ARHGAP42: variants seen among roughly 807,000 people sequenced by gnomAD.
The protein encoded by ARHGAP42 is Rho GTPase activating protein 42.
ARHGAP42 carries 63 observed loss-of-function variants against 125.0 expected under a neutral mutation model. The observed-to-expected ratio is 0.50, with a 90% CI of 0.41 to 0.62. The LOEUF is 0.62. ARHGAP42 is among the 20% of genes least tolerant of loss of function. The pLI is 0.00. For synonymous variants in ARHGAP42, 339 were observed against 351.0 expected (o/e 0.97, Z 0.38); for missense variants, 766 against 1,024.2 (o/e 0.75, Z 3.44).
intron 3 of ARHGAP42, among the ~76,000 whole-genome samples, chr11:100,834,493 A>G (rs989294565): frequency 6.6e-6 from 1 of 152,172 alleles, no homozygotes; most frequent in Non-Finnish European, 1.5e-5. Context: ...AGCTACAGAC[A>G]TCATACCTGG....
intron 10 of ARHGAP42, 39 bp from the exon 11 acceptor site, chr11:100,948,418 G>T: frequency 7.2e-7 from 1 of 1,385,822 alleles, no homozygotes; most frequent in Non-Finnish European, 9.8e-7. Context: ...TTAAAAAGTA[G>T]TAAATGTGTA....
intron 3 of ARHGAP42, among the ~76,000 whole-genome samples, chr11:100,805,549 G>T (rs996130276): frequency 1.3e-5 from 2 of 152,194 alleles, no homozygotes; most frequent in Non-Finnish European, 2.9e-5. Flanking sequence ...TAAAATGAAA[G>T]TTATTATAGG....
chr11:100,784,134 A>T (rs1403826864), intron 2 of ARHGAP42, among the ~76,000 whole-genome samples: 1 of 152,160 alleles, frequency 6.6e-6, no homozygotes, highest in Non-Finnish European at 1.5e-5. Context: ...CAGACAGAAA[A>T]TATAGGTAAA....
chr11:100,899,726 T>TGA (rs377616084), intron 4 of ARHGAP42, among the ~76,000 whole-genome samples: 1 of 88,834 alleles, frequency 1.1e-5, no homozygotes, highest in African/African-American at 5.9e-5. Context: ...TGTTTTGTTT[T>TGA]TTTTTTTGTT....
Position 100,992,866 on chromosome 11 carries a change from T to A in ARHGAP42, c.*4065T>A. 1.4e-6 allele frequency: 1 copy of A among 728,886 alleles called. No homozygotes were observed. Among genetic ancestry groups the A allele is most frequent in the Non-Finnish European group, 2.2e-6 (1 of 457,866 alleles). The allele number at this position is 728,886 out of a possible 1,614,324, so 45.2% of individuals were successfully genotyped here. Reference sequence around the variant, plus strand: ...GTCCTAGACCAATGATTACAAGGTGTCTGTGGTTTAGGGGGCCCAGCCCAT... The same window carrying A: ...GTCCTAGACCAATGATTACAAGGTGACTGTGGTTTAGGGGGCCCAGCCCAT... On this transcript the variant is annotated 3_prime_UTR_variant, in exon 24 of 24. Transcript: ENST00000298815.
intron 1 of ARHGAP42, among the ~76,000 whole-genome samples, chr11:100,704,851 C>A (rs1279765019): frequency 4.0e-5 from 2 of 50,620 alleles, no homozygotes; most frequent in Non-Finnish European, 7.2e-5. Context: ...GTGGCATGCA[C>A]CTATAGTCCT....
At chr11:100,877,408 A>C (rs923119005) in intron 4 of ARHGAP42, among the ~76,000 whole-genome samples, 2 of 152,192 alleles carry the variant, frequency 1.3e-5, no homozygotes, top group Admixed American at 6.5e-5. Context: ...GTGCTTTACT[A>C]TACTTCTTTG....
At chr11:100,924,848 G>A (rs1254936969) in intron 6 of ARHGAP42, among the ~76,000 whole-genome samples, 1 of 151,976 alleles carries the variant, frequency 6.6e-6, no homozygotes, top group East Asian at 1.9e-4. Context: ...GTGTTTTTGA[G>A]ATGGAGTGTC....
chr11:100,938,226 G>A (rs887938017), intron 8 of ARHGAP42, among the ~76,000 whole-genome samples: 3 of 151,716 alleles, frequency 2.0e-5, no homozygotes, highest in Admixed American at 6.6e-5. Context: ...AACTGCCTTC[G>A]CCCAGGTGAG....
chr11:100,802,060 C>A (rs1328837863), intron 3 of ARHGAP42, among the ~76,000 whole-genome samples: 1 of 152,146 alleles, frequency 6.6e-6, no homozygotes, highest in Non-Finnish European at 1.5e-5. Flanking sequence ...TGGTCAGACT[C>A]AGACTACCTC....
chr11:100,809,941 CA>C (rs555332159), intron 3 of ARHGAP42, among the ~76,000 whole-genome samples: 11 of 134,516 alleles, frequency 8.2e-5, no homozygotes, highest in Non-Finnish European at 1.1e-4. Context: ...ACTCTGTCTC[CA>C]AAAAAAAAAG....
At chr11:100,849,830 A>C (rs970725157) in intron 3 of ARHGAP42, among the ~76,000 whole-genome samples, 2 of 152,130 alleles carry the variant, frequency 1.3e-5, no homozygotes, top group African/African-American at 4.8e-5. Flanking sequence ...GTGTTTATTT[A>C]TATCGAGATA....
At chr11:100,706,611 A>G (rs1326154564) in intron 1 of ARHGAP42, among the ~76,000 whole-genome samples, 1 of 152,206 alleles carries the variant, frequency 6.6e-6, no homozygotes, top group Non-Finnish European at 1.5e-5. Flanking sequence ...GATTCAAGGG[A>G]TATTGCTAAA....
At chr11:100,979,432 G>T (rs1386925570) in intron 22 of ARHGAP42, among the ~76,000 whole-genome samples, 1 of 150,052 alleles carries the variant, frequency 6.7e-6, no homozygotes, top group African/African-American at 2.4e-5. Flanking sequence ...GAAAAATATG[G>T]TTATCCTTAA....
intron 3 of ARHGAP42, among the ~76,000 whole-genome samples, chr11:100,835,485 T>C (rs1359197700): frequency 2.0e-5 from 3 of 152,138 alleles, no homozygotes; most frequent in African/African-American, 7.2e-5. Context: ...GCATTGTAAC[T>C]TTTCTAAACA....
intron 5 of ARHGAP42, among the ~76,000 whole-genome samples, chr11:100,914,943 G>C (rs1195695063): frequency 6.6e-6 from 1 of 151,912 alleles, no homozygotes; most frequent in Non-Finnish European, 1.5e-5. Flanking sequence ...TTTCCAACAG[G>C]CATATGTTCT....
intron 1 of ARHGAP42, among the ~76,000 whole-genome samples, chr11:100,714,471 A>G (rs1299746619): frequency 6.6e-6 from 1 of 151,740 alleles, no homozygotes; most frequent in Non-Finnish European, 1.5e-5. Flanking sequence ...CACTAACCCT[A>G]ACTTCCAGAG....
intron 1 of ARHGAP42, among the ~76,000 whole-genome samples, chr11:100,720,075 A>G (rs1190222019): frequency 6.6e-6 from 1 of 152,184 alleles, no homozygotes; most frequent in Admixed American, 6.5e-5. Context: ...ACTAGGTTAG[A>G]TTATAGGCTA....
At chr11:100,884,945 C>T (rs1353990986) in intron 4 of ARHGAP42, among the ~76,000 whole-genome samples, 1 of 152,172 alleles carries the variant, frequency 6.6e-6, no homozygotes, top group African/African-American at 2.4e-5. Context: ...CCTGCTCCCT[C>T]CTGACCGTAT....
Sources: allele counts gnomAD v4.1 joint callset (sites outside exome capture counted in the v4.1 genomes callset), GRCh38; gene constraint gnomAD v4.1.1; transcripts MANE v1.5; gene names NCBI Gene and HGNC (gene_info 2026-07-23, HGNC 2026-07-21).